The following CMAS variants were observed in gnomAD, a reference collection of about 807,000 sequenced individuals.
CMAS encodes the protein N-acylneuraminate cytidylyltransferase.
A neutral mutation model predicts 53.4 loss-of-function variants in CMAS; 21 were observed. That is an observed-to-expected ratio of 0.39 (90% CI 0.28 to 0.57). The LOEUF (loss-of-function observed/expected upper bound fraction) is 0.57, where lower values mean the gene tolerates loss of function less well. CMAS is among the 20% of genes least tolerant of loss of function. The pLI is 0.56. For synonymous variants in CMAS, 189 were observed against 195.2 expected, an observed-to-expected ratio of 0.97 and a Z score of 0.27; for missense variants, 384 against 534.9, an observed-to-expected ratio of 0.72 and a Z score of 2.78.
chr12:22,058,035 T>C (rs1181833844), intron 3 of CMAS, among the ~76,000 whole-genome samples: 2 of 151,602 alleles, frequency 1.3e-5, no homozygotes, highest in South Asian at 2.1e-4. Context: ...CTATGTTGGC[T>C]GGGCTGCTCT....
chr12:22,053,530 C>T (rs1344476239), intron 1 of CMAS, among the ~76,000 whole-genome samples: 2 of 150,316 alleles, frequency 1.3e-5, no homozygotes, highest in African/African-American at 2.4e-5. Context: ...TATATATACA[C>T]ACACATACAC....
chr12:22,054,346 A>G (rs868080598), intron 1 of CMAS, among the ~76,000 whole-genome samples: 2 of 152,120 alleles, frequency 1.3e-5, no homozygotes, highest in East Asian at 1.9e-4. Context: ...CATTTTGCCT[A>G]CTCATCATTT....
At chr12:22,064,536 A>G (rs181968047) in intron 7 of CMAS, among the ~76,000 whole-genome samples, 14 of 152,234 alleles carry the variant, frequency 9.2e-5, no homozygotes, top group African/African-American at 3.4e-4. Context: ...GGGTATCTCA[A>G]CATATACTAG....
At chr12:22,064,068 T>TACTA (rs572332928) in intron 7 of CMAS, 2 of 152,218 alleles carry the variant, frequency 1.3e-5, no homozygotes, top group Non-Finnish European at 2.9e-5. Flanking sequence ...ATTATGCAAA[T>TACTA]ACTAACTTTT....
chr12:22,059,311 T>G (rs1950292646), intron 4 of CMAS, among the ~76,000 whole-genome samples: 1 of 151,962 alleles, frequency 6.6e-6, no homozygotes, highest in Non-Finnish European at 1.5e-5. Flanking sequence ...TCTTAACTTG[T>G]TAATTTTAGT....
chr12:22,058,727 T>C, intron 4 of CMAS, 27 bp downstream of exon 4: 1 of 1,601,032 alleles, frequency 6.2e-7, no homozygotes, highest in African/African-American at 1.3e-5. Context: ...TGCATAACCC[T>C]TTTAAGCGCT....
In CMAS at chr12:22,046,339, C is replaced by T. The variant is rs984612723; in HGVS notation, c.36C>T (p.Val12=). 1 of 1,511,360 alleles carries T rather than the reference C, an allele frequency of 6.6e-7. No homozygotes were observed. Among genetic ancestry groups the T allele is most frequent in the Non-Finnish European group, 8.9e-7 (1 of 1,129,006 alleles). The allele number at this position is 1,511,360 out of a possible 1,614,324, so 93.6% of individuals were successfully genotyped here. The change falls in exon 1 of 8, where the codon GTC becomes GTT. Residue 12 remains valine (V), a synonymous_variant. Transcript: ENST00000229329. ...DSVEKGAATS[V]SNPRGRPSRG... ...TGGAGAAGGGGGCCGCCACCTCCGTCTCCAACCCGCGGGGGCGACCGTCCC... is the reference window on the plus strand; with the variant it reads ...TGGAGAAGGGGGCCGCCACCTCCGTTTCCAACCCGCGGGGGCGACCGTCCC...
intron 1 of CMAS, among the ~76,000 whole-genome samples, chr12:22,047,319 A>C (rs1591791323): frequency 6.6e-6 from 1 of 152,200 alleles, no homozygotes; most frequent in Non-Finnish European, 1.5e-5. Flanking sequence ...GATGTTATTC[A>C]TAAAAGAAGG....
chr12:22,046,563 G>A lies in CMAS; in HGVS notation c.260G>A (p.Ser87Asn). 1 of 1,566,868 alleles carries A rather than the reference G, an allele frequency of 6.4e-7. No homozygotes were observed. Among genetic ancestry groups the A allele is most frequent in the Non-Finnish European group, 8.6e-7 (1 of 1,157,568 alleles). Residue 87 changes from serine to asparagine, a missense_variant and splice_region_variant, in exon 1 of 8, where the codon AGT (serine) becomes AAT (asparagine). Ser to Asn is a conservative substitution (Grantham distance 46). Transcript: ENST00000229329. The stretch of plus-strand genomic sequence containing the variant: ...GCCCTGGATTCAGGGGCCTTCCAGA[G>A]GTGCGCATGTGCGAGAGTGGGCGGC... ...RAALDSGAFQ[S>N]VWVSTDHDEI...
In CMAS at chr12:22,058,498, T is replaced by C. The variant is rs2138185462; in HGVS notation, c.560-69T>C. The C allele has an allele frequency of 4.3e-6, 6 of 1,380,694 alleles. No individual in the cohort carries two copies. The South Asian group carries it at 6.7e-5, about 15-fold the overall frequency. The allele number at this position is 1,380,694 out of a possible 1,614,324, so 85.5% of individuals were successfully genotyped here. Reference sequence around the variant, plus strand: ...ATTCTGAGTTCATTTTTATTAACTTTTTTAGTTACTAAATTAACACTTTCT... The same window carrying C: ...ATTCTGAGTTCATTTTTATTAACTTCTTTAGTTACTAAATTAACACTTTCT... On this transcript the variant is annotated intron_variant, in intron 3 of 7. Transcript: ENST00000229329.
intron 1 of CMAS, among the ~76,000 whole-genome samples, chr12:22,047,455 A>G (rs1310934869): frequency 2.0e-5 from 3 of 152,150 alleles, no homozygotes; most frequent in Non-Finnish European, 4.4e-5. Flanking sequence ...TAAAGAGATG[A>G]CTGTTTTTGA....
intron 7 of CMAS, 146 bp from the exon 8 acceptor site, chr12:22,064,975 C>CCAT: frequency 2.0e-6 from 1 of 507,890 alleles, no homozygotes; most frequent in Non-Finnish European, 3.5e-6. Flanking sequence ...TATTTTTGTT[C>CCAT]CATCTAATCT....
In CMAS at chr12:22,056,969, C is replaced by A. The variant is rs572654264; in HGVS notation, c.559+1359C>A. ...TAGTTGGTTTATTACCTGTCTCTAC[C>A]CCTAGATTGTATACTTTTTGAGAAT... On this transcript the variant is annotated intron_variant, in intron 3 of 7. Transcript: ENST00000229329. Among the ~76,000 whole-genome samples the A allele has an allele frequency of 6.6e-5, 10 of 152,020 alleles. No individual in the cohort carries two copies. In the South Asian group the frequency reaches 1.7e-3, roughly 25 times the overall value.
At chr12:22,061,529 T>A in intron 6 of CMAS, 77 bp downstream of exon 6, 1 of 1,015,682 alleles carries the variant, frequency 9.8e-7, no homozygotes. Context: ...AATTAAGAGA[T>A]TTAAATTTTT....
chr12:22,062,562 A>C (rs1950315891), intron 7 of CMAS, 128 bp downstream of exon 7: 1 of 909,602 alleles, frequency 1.1e-6, no homozygotes, highest in African/African-American at 1.7e-5. Context: ...TCTTTTAACA[A>C]ACACTGCTGA....
intron 3 of CMAS, among the ~76,000 whole-genome samples, chr12:22,058,325 T>C: frequency 6.6e-6 from 1 of 150,934 alleles, no homozygotes; most frequent in Non-Finnish European, 1.5e-5. Context: ...CTTGGGAGGC[T>C]GAGGCAGGAG....
At chr12:22,055,642 T>C (rs770899077) in intron 3 of CMAS, 32 bp downstream of exon 3, 5 of 1,584,122 alleles carry the variant, frequency 3.2e-6, no homozygotes, top group Middle Eastern at 1.7e-4. Flanking sequence ...TTTTAGCTGA[T>C]TTTATTGAGA....
intron 7 of CMAS, among the ~76,000 whole-genome samples, chr12:22,063,255 A>C (rs1048244224): frequency 3.3e-5 from 5 of 152,238 alleles, no homozygotes; most frequent in Non-Finnish European, 7.3e-5. Flanking sequence ...CAAAATAAGA[A>C]GCACAGGAAA....
At chr12:22,048,017 C>G (rs1950217725) in intron 1 of CMAS, among the ~76,000 whole-genome samples, 1 of 152,158 alleles carries the variant, frequency 6.6e-6, no homozygotes, top group South Asian at 2.1e-4. Context: ...TCAGGAAACC[C>G]TGTTCAAACT....
Sources: allele counts gnomAD v4.1 joint callset (sites outside exome capture counted in the v4.1 genomes callset), GRCh38; gene constraint gnomAD v4.1.1; transcripts MANE v1.5; gene names NCBI Gene and HGNC (gene_info 2026-07-23, HGNC 2026-07-21).